The following ANKRD62 variants were observed in gnomAD, a reference collection of about 807,000 sequenced individuals.
ANKRD62 encodes ankyrin repeat domain-containing protein 62.
A neutral mutation model predicts 98.8 loss-of-function variants in ANKRD62; 61 were observed. The observed-to-expected ratio is 0.62, with a 90% CI of 0.50 to 0.76. ANKRD62 has a LOEUF of 0.76. Among genes scored for constraint, ANKRD62 ranks in the 30% least tolerant of loss-of-function variants. The pLI, the probability that ANKRD62 is intolerant of heterozygous loss-of-function variation, is 0.00. For synonymous variants in ANKRD62, 341 were observed against 367.9 expected, an observed-to-expected ratio of 0.93 and a Z score of 0.84; for missense variants, 933 against 1,082.9, an observed-to-expected ratio of 0.86 and a Z score of 1.94.
At chr18:12,173,029 G>T in the ANKRD62 span, among the ~76,000 whole-genome samples, 1 of 152,234 alleles carries the variant, frequency 6.6e-6, no homozygotes, top group Admixed American at 6.5e-5. Flanking sequence ...GGCTAGGAAA[G>T]AGAATTCTCT....
chr18:12,138,772 G>T, the ANKRD62 span, among the ~76,000 whole-genome samples: 1 of 152,160 alleles, frequency 6.6e-6, no homozygotes, highest in Admixed American at 6.5e-5. Flanking sequence ...AGTTCTTGTT[G>T]TATTGATCCC....
chr18:12,104,060 C>T (rs1415134888), intron 7 of ANKRD62, among the ~76,000 whole-genome samples: 1 of 152,072 alleles, frequency 6.6e-6, no homozygotes, highest in Non-Finnish European at 1.5e-5. Flanking sequence ...CAAATGTGCA[C>T]TATTGGGTAT....
chr18:12,163,404 GT>G, the ANKRD62 span, among the ~76,000 whole-genome samples: 3 of 151,900 alleles, frequency 2.0e-5, no homozygotes, highest in Non-Finnish European at 4.4e-5. Flanking sequence ...GTTTTTGTTT[GT>G]GTGTGAAGTC....
chr18:12,127,981 T>A lies in ANKRD62; in HGVS notation c.*42T>A. ...AAGTGTTTCAGGACACTAGTTTCAG[T>A]GGAGAGCTTTCTTTTGTATTTTCAT... On this transcript the variant is annotated 3_prime_UTR_variant, in exon 14 of 14. Transcript: ENST00000587848. 8.6e-7 allele frequency: 1 copy of A among 1,161,866 alleles called. No homozygotes were observed. The highest frequency in any genetic ancestry group is 1.1e-6 in the Non-Finnish European group (1 of 910,372). 72.0% of individuals were successfully genotyped at this position (1,161,866 alleles called of 1,614,324 possible). A position where few individuals can be genotyped will look rare whatever the true frequency, so the allele number is the denominator to read the frequency against.
the ANKRD62 span, among the ~76,000 whole-genome samples, chr18:12,164,558 T>C: frequency 1.3e-5 from 2 of 151,962 alleles, no homozygotes; most frequent in African/African-American, 4.8e-5. Flanking sequence ...TTTCCAGTTC[T>C]TTAAGATGCA....
chr18:12,115,321 C>A, intron 9 of ANKRD62, 72 bp from the exon 10 acceptor site: 3 of 1,358,158 alleles, frequency 2.2e-6, no homozygotes, highest in South Asian at 1.7e-5. Flanking sequence ...CGGATAATTC[C>A]CACTGGTGTA....
the ANKRD62 span, among the ~76,000 whole-genome samples, chr18:12,146,317 A>G: frequency 3.3e-5 from 5 of 152,140 alleles, no homozygotes; most frequent in African/African-American, 1.2e-4. Flanking sequence ...TCAGGCCGCC[A>G]TCTTTGCTGT....
chr18:12,141,326 C>T, the ANKRD62 span, among the ~76,000 whole-genome samples: 19 of 152,226 alleles, frequency 1.2e-4, no homozygotes, highest in African/African-American at 4.1e-4. Context: ...CCTCGCCCTG[C>T]TTCAGCTCAC....
At chr18:12,114,715 A>T (rs1909622739) in intron 8 of ANKRD62, among the ~76,000 whole-genome samples, 1 of 152,216 alleles carries the variant, frequency 6.6e-6, no homozygotes, top group African/African-American at 2.4e-5. Flanking sequence ...AATATTTATC[A>T]AATAGGTCTT....
the ANKRD62 span, among the ~76,000 whole-genome samples, chr18:12,156,102 C>T: frequency 1.3e-5 from 2 of 150,840 alleles, no homozygotes; most frequent in Non-Finnish European, 3.0e-5. Context: ...CCCTCCCTTT[C>T]TCTCCTTCCC....
At chr18:12,096,628 C>T (rs1316818305) in intron 4 of ANKRD62, among the ~76,000 whole-genome samples, 2 of 152,094 alleles carry the variant, frequency 1.3e-5, no homozygotes, top group African/African-American at 4.8e-5. Flanking sequence ...TTTTAGTTTA[C>T]TTTGTGACTC....
chr18:12,169,032 G>A, the ANKRD62 span, among the ~76,000 whole-genome samples: 2 of 152,042 alleles, frequency 1.3e-5, no homozygotes, highest in African/African-American at 4.8e-5. Context: ...GGAGATTTTG[G>A]GCTGAGACGA....
At chr18:12,158,162 G>A in the ANKRD62 span, among the ~76,000 whole-genome samples, 1 of 152,150 alleles carries the variant, frequency 6.6e-6, no homozygotes, top group Non-Finnish European at 1.5e-5. Context: ...GTCTATGCTG[G>A]GGTATAAATA....
At chr18:12,139,169 C>T in the ANKRD62 span, among the ~76,000 whole-genome samples, 1 of 152,194 alleles carries the variant, frequency 6.6e-6, no homozygotes. Context: ...CATGTTTTTG[C>T]AGTGGCTGGT....
chr18:12,137,559 T>C, the ANKRD62 span, among the ~76,000 whole-genome samples: 1 of 152,262 alleles, frequency 6.6e-6, no homozygotes, highest in Non-Finnish European at 1.5e-5. Context: ...GATGCTGGCC[T>C]CATAAAATGA....
At chr18:12,115,805 G>A (rs1203164045) in intron 10 of ANKRD62, among the ~76,000 whole-genome samples, 1 of 152,028 alleles carries the variant, frequency 6.6e-6, no homozygotes, top group African/African-American at 2.4e-5. Context: ...CCAGGGTCAG[G>A]TTGTCATTAT....
intron 10 of ANKRD62, among the ~76,000 whole-genome samples, chr18:12,121,091 C>A (rs879747126): frequency 6.6e-5 from 10 of 152,240 alleles, no homozygotes; most frequent in Admixed American, 6.5e-4. Context: ...GACAAATTTA[C>A]GATTGTGATC....
chr18:12,123,923 A>G (rs1385492174), intron 11 of ANKRD62, among the ~76,000 whole-genome samples: 1 of 152,214 alleles, frequency 6.6e-6, no homozygotes, highest in Admixed American at 6.5e-5. Flanking sequence ...ATTTACGAGA[A>G]TTACTAGTAA....
chr18:12,112,529 TC>T (rs1357531395), intron 8 of ANKRD62, among the ~76,000 whole-genome samples: 1 of 152,158 alleles, frequency 6.6e-6, no homozygotes, highest in Non-Finnish European at 1.5e-5. Context: ...GATTGAAACT[TC>T]ACCCTTTCCT....
Sources: allele counts gnomAD v4.1 joint callset (sites outside exome capture counted in the v4.1 genomes callset), GRCh38; gene constraint gnomAD v4.1.1; transcripts MANE v1.5; gene names NCBI Gene and HGNC (gene_info 2026-07-23, HGNC 2026-07-21).